Variants in FRMD4A observed in about 807,000 individuals in gnomAD.
The protein encoded by FRMD4A is FERM domain containing 4A.
A neutral mutation model predicts 129.1 loss-of-function variants in FRMD4A; 29 were observed. The ratio of observed to expected loss-of-function variants is 0.22; its 90% CI spans 0.17 to 0.31. The LOEUF (loss-of-function observed/expected upper bound fraction) is 0.31. Among genes scored for constraint, FRMD4A ranks in the 10% least tolerant of loss-of-function variants. The pLI is 1.00. For missense variants in FRMD4A, 1,272 were observed against 1,375.8 expected (o/e 0.92, Z 1.19); for synonymous variants, 634 against 571.6 (o/e 1.11, Z -1.56).
chr10:13,838,878 T>C (rs1178469965), intron 3 of FRMD4A, among the ~76,000 whole-genome samples: 4 of 151,892 alleles, frequency 2.6e-5, no homozygotes, highest in African/African-American at 9.7e-5. Flanking sequence ...TTCTTTATTA[T>C]ACAGTCTAAA....
chr10:13,978,271 T>G (rs1272647444), intron 2 of FRMD4A, among the ~76,000 whole-genome samples: 1 of 152,154 alleles, frequency 6.6e-6, no homozygotes, highest in African/African-American at 2.4e-5. Flanking sequence ...AAGGGCTGCT[T>G]TTAGGGGGCT....
rs191907634 is a variant in FRMD4A at position 13,931,901 on chromosome 10, A to C, written c.46-72989T>G. 3.1e-3 allele frequency among the ~76,000 whole-genome samples: 471 copies of C among 152,232 alleles called. 1 individual carries two copies. The highest frequency in any genetic ancestry group is 0.011 in the African/African-American group (452 of 41,532). On this transcript the variant is annotated intron_variant, in intron 2 of 24. Transcript: ENST00000357447. Reference sequence around the variant, plus strand: ...GAGGTGGAGGTTGCAATAAGCCACGATTGTGCCACTGCACTCCAGCCTGGG... The same window carrying C: ...GAGGTGGAGGTTGCAATAAGCCACGCTTGTGCCACTGCACTCCAGCCTGGG...
intron 2 of FRMD4A, among the ~76,000 whole-genome samples, chr10:14,226,528 C>T (rs574950034): frequency 3.9e-5 from 6 of 152,214 alleles, no homozygotes; most frequent in South Asian, 4.2e-4. Context: ...TGGTTCCTTC[C>T]GGGCGCCATA....
At chr10:14,068,668 T>C (rs1489015160) in intron 2 of FRMD4A, among the ~76,000 whole-genome samples, 2 of 152,236 alleles carry the variant, frequency 1.3e-5, no homozygotes, top group Admixed American at 1.3e-4. Context: ...CACTTACATA[T>C]GTGTGAGTTC....
intron 2 of FRMD4A, among the ~76,000 whole-genome samples, chr10:14,030,508 C>T (rs1833187599): frequency 1.3e-5 from 2 of 152,214 alleles, no homozygotes; most frequent in Non-Finnish European, 2.9e-5. Flanking sequence ...GTCTATCAAG[C>T]TTCTGCCTTA....
At chr10:13,958,949 T>C (rs2095428464) in intron 2 of FRMD4A, among the ~76,000 whole-genome samples, 2 of 152,212 alleles carry the variant, frequency 1.3e-5, no homozygotes, top group Non-Finnish European at 2.9e-5. Flanking sequence ...CTTTGGATGG[T>C]TGAGATGTAG....
At chr10:13,796,714 AT>A (rs982659682) in intron 4 of FRMD4A, 126 bp from the exon 5 acceptor site, 167 of 570,326 alleles carry the variant, frequency 2.9e-4, no homozygotes, top group South Asian at 6.3e-4. Flanking sequence ...CTTATTTTTA[AT>A]TTTTTTTTAG....
rs11258546 is a variant in FRMD4A, at chr10:13,714,066, T to C, written c.760-6953A>G. 2.7e-3 allele frequency among the ~76,000 whole-genome samples: 245 copies of C among 89,596 alleles called. 16 individuals are homozygous for C. In the South Asian group the frequency reaches 0.044, roughly 16 times the overall value. The allele number at this position is 89,596 out of a possible 152,430, so 58.8% of individuals were successfully genotyped here. A position where few individuals can be genotyped will look rare whatever the true frequency, so the allele number is the denominator to read the frequency against. Reference sequence around the variant, plus strand: ...TATATATATATATATATATAAAATATACTTTTTTTTTGAGACACAGTCTCA... The same window carrying C: ...TATATATATATATATATATAAAATACACTTTTTTTTTGAGACACAGTCTCA... On this transcript the variant is annotated intron_variant, in intron 12 of 24. Coordinates refer to ENST00000357447, the MANE Select transcript of FRMD4A (RefSeq NM_018027.5).
intron 3 of FRMD4A, among the ~76,000 whole-genome samples, chr10:13,827,036 A>C (rs1385833995): frequency 1.3e-5 from 2 of 152,194 alleles, no homozygotes; most frequent in Middle Eastern, 3.2e-3. Flanking sequence ...AGGTTTACGG[A>C]ATTCAAAATA....
intron 2 of FRMD4A, among the ~76,000 whole-genome samples, chr10:14,000,822 G>T (rs1006627165): frequency 4.2e-4 from 64 of 152,096 alleles, no homozygotes; most frequent in African/African-American, 1.5e-3. Flanking sequence ...GGATGTTTTT[G>T]ATCTTAAATA....
intron 2 of FRMD4A, among the ~76,000 whole-genome samples, chr10:14,155,302 A>G (rs1345853139): frequency 6.6e-6 from 1 of 152,196 alleles, no homozygotes; most frequent in Admixed American, 6.5e-5. Context: ...CTCTAAATAA[A>G]TACATGAATA....
intron 2 of FRMD4A, among the ~76,000 whole-genome samples, chr10:14,249,211 G>A (rs564026810): frequency 2.6e-5 from 4 of 152,112 alleles, no homozygotes; most frequent in Non-Finnish European, 4.4e-5. Context: ...AATTAGCCAG[G>A]TGTGGTGGTG....
intron 2 of FRMD4A, among the ~76,000 whole-genome samples, chr10:13,957,740 C>G (rs372971105): frequency 6.6e-6 from 1 of 152,108 alleles, no homozygotes; most frequent in East Asian, 1.9e-4. Context: ...AAATGGCTAG[C>G]CCTTTTTGCA....
intron 2 of FRMD4A, among the ~76,000 whole-genome samples, chr10:13,977,718 T>C (rs1023660250): frequency 6.6e-6 from 1 of 152,256 alleles, no homozygotes; most frequent in African/African-American, 2.4e-5. Flanking sequence ...TCTGTCTCCA[T>C]AGATTTGCCA....
intron 2 of FRMD4A, among the ~76,000 whole-genome samples, chr10:14,262,960 A>T (rs530114236): frequency 6.6e-6 from 1 of 152,374 alleles, no homozygotes; most frequent in Non-Finnish European, 1.5e-5. Context: ...CAACAAATGC[A>T]GCCCGTGCTG....
At chr10:13,994,975 G>GA (rs2095617291) in intron 2 of FRMD4A, among the ~76,000 whole-genome samples, 1 of 151,960 alleles carries the variant, frequency 6.6e-6, no homozygotes, top group Non-Finnish European at 1.5e-5. Flanking sequence ...GAGTGAACAG[G>GA]AGCGCAGCCA....
chr10:13,845,897 C>T (rs989542040), intron 3 of FRMD4A, among the ~76,000 whole-genome samples: 4 of 152,236 alleles, frequency 2.6e-5, no homozygotes, highest in African/African-American at 7.2e-5. Context: ...CAACCGGCCC[C>T]AGAGCCTGTG....
chr10:14,125,827 T>C (rs1307615233), intron 2 of FRMD4A, among the ~76,000 whole-genome samples: 2 of 152,070 alleles, frequency 1.3e-5, no homozygotes, highest in Non-Finnish European at 2.9e-5. Context: ...CAAGCATTAG[T>C]AGGTAAGTCT....
intron 2 of FRMD4A, among the ~76,000 whole-genome samples, chr10:14,094,394 A>G (rs1012670663): frequency 6.6e-6 from 1 of 152,192 alleles, no homozygotes; most frequent in African/African-American, 2.4e-5. Flanking sequence ...AGCAAGTGGT[A>G]ATTAGAATGG....
Sources: gnomAD v4.1 joint callset for allele counts (sites outside exome capture counted in the v4.1 genomes callset) on GRCh38, gnomAD v4.1.1 for gene constraint, MANE v1.5 for transcripts, NCBI Gene and HGNC (gene_info 2026-07-23, HGNC 2026-07-21) for gene names.